Variants in SFXN5 observed in about 807,000 individuals in gnomAD.
SFXN5 encodes the protein sideroflexin-5.
A neutral mutation model predicts 50.2 loss-of-function variants in SFXN5; 43 were observed. The observed-to-expected ratio is 0.86, with a 90% confidence interval of 0.67 to 1.11. The LOEUF is 1.11. SFXN5 is among the 50% of genes least tolerant of loss of function. The probability of loss-of-function intolerance (pLI) is 0.00; values close to 1 mark genes in which losing one functional copy is unlikely to be tolerated. For synonymous variants in SFXN5, 203 were observed against 185.8 expected (o/e 1.09, Z -0.75); for missense variants, 463 against 454.1 (o/e 1.02, Z -0.18).
intron 3 of SFXN5, 134 bp downstream of exon 3, chr2:73,040,720 A>T: frequency 1.6e-6 from 1 of 617,682 alleles, no homozygotes; most frequent in Non-Finnish European, 2.7e-6. Context: ...AAGAGCTTTT[A>T]GTCCACAGGG....
intron 6 of SFXN5, 111 bp downstream of exon 6, chr2:73,020,128 A>G (rs951382519): frequency 1.6e-5 from 16 of 988,084 alleles, no homozygotes; most frequent in Non-Finnish European, 2.4e-5. Flanking sequence ...CCCTCCAGGA[A>G]TTGACTTATC....
Position 72,960,273 on chromosome 2 carries a change from C to T in SFXN5, c.945+858G>A, listed in dbSNP as rs1018103692. ...CACTGCCCTCCCTCGAACCTGCCCC[C>T]GCCTGGCTCCATCTCATTAAGCACC... On this transcript the variant is annotated intron_variant, in intron 13 of 13. Transcript: ENST00000272433. This position sits in a 1 kb window ranked among gnomAD's most constrained non-coding sequence, Gnocchi z 6.1. Among the ~76,000 whole-genome samples the T allele has an allele frequency of 1.3e-5, 2 of 152,270 alleles. No individual in the cohort carries two copies. The highest frequency in any genetic ancestry group is 4.8e-5 in the African/African-American group (2 of 41,564).
intron 1 of SFXN5, among the ~76,000 whole-genome samples, chr2:73,062,983 A>T (rs1273789658): frequency 6.6e-6 from 1 of 152,218 alleles, no homozygotes; most frequent in Non-Finnish European, 1.5e-5. Context: ...CTGTGTGCCC[A>T]GCACTGTGCT....
intron 1 of SFXN5, among the ~76,000 whole-genome samples, chr2:73,070,050 G>T (rs1683460732): frequency 2.6e-5 from 4 of 152,192 alleles, no homozygotes; most frequent in African/African-American, 9.7e-5. Flanking sequence ...CCAAAGAGAT[G>T]TGCAGGAGGA....
chr2:73,053,537 A>C (rs984558045), intron 2 of SFXN5: 5 of 152,322 alleles, frequency 3.3e-5, no homozygotes, highest in African/African-American at 1.2e-4. Context: ...TCTTAGAACA[A>C]AGACAGCCTT....
At chr2:72,968,975 G>A (rs1350899137) in intron 11 of SFXN5, among the ~76,000 whole-genome samples, 1 of 152,006 alleles carries the variant, frequency 6.6e-6, no homozygotes, top group Non-Finnish European at 1.5e-5. Context: ...GCTAATTTTT[G>A]TATTTTTAGT....
intron 1 of SFXN5, among the ~76,000 whole-genome samples, chr2:73,069,399 G>A (rs138694337): frequency 1.3e-5 from 2 of 152,252 alleles, no homozygotes; most frequent in African/African-American, 4.8e-5. Flanking sequence ...AAAGGGTGAG[G>A]GAGAAGAAGG....
intron 6 of SFXN5, among the ~76,000 whole-genome samples, chr2:73,008,608 C>T (rs1250923687): frequency 6.6e-6 from 1 of 152,202 alleles, no homozygotes; most frequent in Non-Finnish European, 1.5e-5. Context: ...AGCGGCAGTG[C>T]TGTGCTTAGG....
At chr2:73,051,478 G>A (rs912847538) in intron 2 of SFXN5, among the ~76,000 whole-genome samples, 8 of 152,068 alleles carry the variant, frequency 5.3e-5, no homozygotes, top group Non-Finnish European at 7.4e-5. Context: ...GGCTGGTCTT[G>A]AACTCCTGAC....
intron 6 of SFXN5, chr2:73,019,975 A>G: frequency 2.4e-6 from 1 of 418,432 alleles, no homozygotes. Context: ...TAATGACAAC[A>G]GTGGGGACAG....
At chr2:73,060,270 G>A (rs1682647804) in intron 1 of SFXN5, among the ~76,000 whole-genome samples, 1 of 152,172 alleles carries the variant, frequency 6.6e-6, no homozygotes, top group Admixed American at 6.5e-5. Context: ...ATGGGGATAT[G>A]TTAAAAGGAT....
chr2:72,993,427 T>C (rs1017992719), intron 9 of SFXN5, among the ~76,000 whole-genome samples: 10 of 152,192 alleles, frequency 6.6e-5, no homozygotes, highest in African/African-American at 2.4e-4. Flanking sequence ...CATCAGTTGC[T>C]CCAGCTGTGA....
At chr2:73,050,420 A>ACACACACACACACACACACCC in intron 2 of SFXN5, among the ~76,000 whole-genome samples, 1 of 140,790 alleles carries the variant, frequency 7.1e-6, no homozygotes, top group African/African-American at 2.5e-5. Context: ...ACACACACAC[A>ACACACACACACACACACACCC]CCCCTGCAGA....
chr2:73,048,375 C>G (rs909871129), intron 2 of SFXN5, among the ~76,000 whole-genome samples: 2 of 152,136 alleles, frequency 1.3e-5, no homozygotes, highest in African/African-American at 4.8e-5. Flanking sequence ...GCCACCACAC[C>G]CAGCTAATTT....
intron 13 of SFXN5, among the ~76,000 whole-genome samples, chr2:72,947,224 A>T (rs1430610386): frequency 6.6e-6 from 1 of 152,260 alleles, no homozygotes; most frequent in Non-Finnish European, 1.5e-5. Flanking sequence ...AAAGCCTAGC[A>T]CAATGCTGGT....
chr2:72,989,547 A>C (rs887485578), intron 9 of SFXN5, among the ~76,000 whole-genome samples: 3 of 152,028 alleles, frequency 2.0e-5, no homozygotes, highest in Non-Finnish European at 2.9e-5. Context: ...TCATCTTTGT[A>C]TGTCCACCAC....
intron 2 of SFXN5, among the ~76,000 whole-genome samples, chr2:73,056,698 A>C (rs1682178662): frequency 6.6e-6 from 1 of 152,060 alleles, no homozygotes; most frequent in Non-Finnish European, 1.5e-5. Context: ...AAAAAAAAAA[A>C]AACACAAAAA....
rs983718673 is a variant in SFXN5 at position 72,961,832 on chromosome 2, G to A, written c.828-584C>T. ...AGGGCAACAGAGGGTGCAATGACTCGTCCAAGGCCAAGTCTGCAGGAGGCT... is the reference window on the plus strand; with the variant it reads ...AGGGCAACAGAGGGTGCAATGACTCATCCAAGGCCAAGTCTGCAGGAGGCT... On this transcript the variant is annotated intron_variant, in intron 12 of 13. Transcript: ENST00000272433. This position sits in a 1 kb window ranked among gnomAD's most constrained non-coding sequence, Gnocchi z 4.4. 3.9e-5 allele frequency among the ~76,000 whole-genome samples: 6 copies of A among 152,170 alleles called. No homozygotes were observed. The highest frequency in any genetic ancestry group is 6.5e-5 in the Admixed American group (1 of 15,284).
chr2:72,981,965 T>TTGTGTGTG (rs10582006), intron 10 of SFXN5, among the ~76,000 whole-genome samples: 1,966 of 145,694 alleles, frequency 0.013, 41 homozygotes, highest in African/African-American at 0.044. Flanking sequence ...CACTGGAACT[T>TTGTGTGTG]TGTGTGTGTG....
Sources: gnomAD v4.1 joint callset for allele counts (sites outside exome capture counted in the v4.1 genomes callset) on GRCh38, gnomAD v4.1.1 for gene constraint, Gnocchi (gnomAD v3.1) non-coding constraint, MANE v1.5 for transcripts, NCBI Gene and HGNC (gene_info 2026-07-23, HGNC 2026-07-21) for gene names.